CADPS2: variants seen among roughly 807,000 people sequenced by gnomAD.
CADPS2 encodes calcium dependent secretion activator 2.
CADPS2 carries 93 observed loss-of-function variants against 172.5 expected under a neutral mutation model. The observed-to-expected ratio is 0.54, with a 90% CI of 0.46 to 0.64. The LOEUF (loss-of-function observed/expected upper bound fraction) is 0.64, where lower values mean the gene tolerates loss of function less well. Among genes scored for constraint, CADPS2 ranks in the 30% least tolerant of loss-of-function variants. CADPS2 has a pLI of 0.00. For missense variants in CADPS2, 1,420 were observed against 1,565.9 expected (o/e 0.91, Z 1.57); for synonymous variants, 546 against 555.2 (o/e 0.98, Z 0.23).
chr7:122,589,753 T>C (rs2070442592), intron 6 of CADPS2, among the ~76,000 whole-genome samples: 1 of 151,874 alleles, frequency 6.6e-6, no homozygotes, highest in African/African-American at 2.4e-5. Flanking sequence ...TAGAAACTGT[T>C]GTATAAACTA....
At chr7:122,824,735 T>C (rs1804392805) in intron 1 of CADPS2, among the ~76,000 whole-genome samples, 2 of 152,204 alleles carry the variant, frequency 1.3e-5, no homozygotes, top group South Asian at 4.1e-4. Context: ...ATTTTTTAAT[T>C]GTTTCTCAGT....
At chr7:122,849,653 T>TATGTAGTATATAGCA in intron 1 of CADPS2, 1 of 311,436 alleles carries the variant, frequency 3.2e-6, no homozygotes, top group Non-Finnish European at 6.2e-6. Flanking sequence ...TGTAGCCAGC[T>TATGTAGTATATAGCA]GCTATGGCTG....
intron 27 of CADPS2, 112 bp downstream of exon 27, chr7:122,360,676 A>G: frequency 3.3e-6 from 3 of 897,830 alleles, no homozygotes; most frequent in Non-Finnish European, 5.1e-6. Flanking sequence ...AAAATAAACT[A>G]CTCCCTAAGG....
At chr7:122,424,254 G>A (rs895610693) in intron 17 of CADPS2, 15 of 802,796 alleles carry the variant, frequency 1.9e-5, no homozygotes, top group African/African-American at 1.3e-4. Context: ...ATATTCTCCC[G>A]GAATTAACCA....
At chr7:122,591,551 A>C (rs1363428268) in intron 6 of CADPS2, among the ~76,000 whole-genome samples, 2 of 152,142 alleles carry the variant, frequency 1.3e-5, no homozygotes, top group Non-Finnish European at 2.9e-5. Context: ...CCAAAAGAAC[A>C]AAGCTGGAGG....
intron 3 of CADPS2, among the ~76,000 whole-genome samples, chr7:122,638,917 T>C (rs946451887): frequency 2.6e-5 from 4 of 152,206 alleles, no homozygotes; most frequent in Non-Finnish European, 5.9e-5. Flanking sequence ...TCGTCACTAT[T>C]TCCTCTCCAC....
rs1055256448 is a variant in CADPS2, at chr7:122,318,437, T to C, written c.*1728A>G. 1 of 152,208 alleles carries C rather than the reference T, an allele frequency of 6.6e-6. No individual in the cohort carries two copies. The highest frequency in any genetic ancestry group is 2.4e-5 in the African/African-American group (1 of 41,440). The allele number at this position is 152,208 out of a possible 1,614,324, so 9.4% of individuals were successfully genotyped here. A position where few individuals can be genotyped will look rare whatever the true frequency, so the allele number is the denominator to read the frequency against. The stretch of plus-strand genomic sequence containing the variant: ...TTGGAGATGATCTGTATCAAGGAAA[T>C]GGACATTTTATTGAAAGGAAAAGAA... On this transcript the variant is annotated 3_prime_UTR_variant, in exon 30 of 30. Coordinates refer to ENST00000449022, the MANE Select transcript of CADPS2 (RefSeq NM_017954.11).
chr7:122,621,419 C>T (rs930468019), intron 5 of CADPS2, 62 bp downstream of exon 5: 3 of 1,086,632 alleles, frequency 2.8e-6, no homozygotes, highest in Non-Finnish European at 4.1e-6. Flanking sequence ...CAAAGGTCAA[C>T]AGAAATTATT....
chr7:122,420,949 G>A (rs902034168), intron 17 of CADPS2: 2 of 152,204 alleles, frequency 1.3e-5, no homozygotes, highest in African/African-American at 2.4e-5. Context: ...AAGACAGCTC[G>A]ACTGTTTGCT....
chr7:122,418,863 G>A (rs2151788166), intron 17 of CADPS2, among the ~76,000 whole-genome samples: 1 of 152,282 alleles, frequency 6.6e-6, no homozygotes, highest in East Asian at 1.9e-4. Flanking sequence ...TTTAAAATAA[G>A]TTAAATATTC....
chr7:122,387,701 G>C (rs1271369360), intron 23 of CADPS2, among the ~76,000 whole-genome samples: 1 of 152,022 alleles, frequency 6.6e-6, no homozygotes, highest in Non-Finnish European at 1.5e-5. Context: ...TTGCAGGCAG[G>C]TTTTTGAAAG....
chr7:122,610,432 CAA>C (rs11362338), intron 6 of CADPS2, among the ~76,000 whole-genome samples: 3 of 147,162 alleles, frequency 2.0e-5, no homozygotes, highest in Non-Finnish European at 3.0e-5. Flanking sequence ...CTACGATAAG[CAA>C]AAAAAAAAAT....
intron 20 of CADPS2, 85 bp from the exon 21 acceptor site, chr7:122,393,667 G>T: frequency 7.2e-7 from 1 of 1,384,660 alleles, no homozygotes; most frequent in Admixed American, 1.9e-5. Flanking sequence ...CACGTTTTCT[G>T]AGAGAGTCTG....
intron 6 of CADPS2, among the ~76,000 whole-genome samples, chr7:122,592,850 AG>A (rs557446176): frequency 0.032 from 3,227 of 99,854 alleles, 56 homozygotes; most frequent in Non-Finnish European, 0.043. Context: ...GGATGGGGGG[AG>A]GGGGGAGGAA....
At chr7:122,499,299 T>G (rs1449361412) in intron 9 of CADPS2, among the ~76,000 whole-genome samples, 1 of 152,190 alleles carries the variant, frequency 6.6e-6, no homozygotes. Flanking sequence ...ACATCTTCTT[T>G]CTCTGCATGA....
intron 24 of CADPS2, among the ~76,000 whole-genome samples, chr7:122,381,952 A>G (rs545404852): frequency 5.1e-4 from 77 of 152,282 alleles, no homozygotes; most frequent in Non-Finnish European, 8.7e-4. Context: ...ACTTACACTA[A>G]TATTACAACT....
chr7:122,669,353 ATAT>A (rs1373975555), intron 2 of CADPS2, among the ~76,000 whole-genome samples: 6 of 81,436 alleles, frequency 7.4e-5, no homozygotes, highest in African/African-American at 3.4e-4. Context: ...ATATATATAT[ATAT>A]TTTTTTTTTT....
At chr7:122,368,794 C>G (rs1333125419) in intron 25 of CADPS2, among the ~76,000 whole-genome samples, 1 of 152,142 alleles carries the variant, frequency 6.6e-6, no homozygotes, top group Non-Finnish European at 1.5e-5. Context: ...CTGGAGACAA[C>G]AGATGCAGGC....
chr7:122,762,699 G>A lies in CADPS2; in HGVS notation c.340-25631C>T, dbSNP rs78207738. Among the ~76,000 whole-genome samples, 904 of 152,212 alleles carry A rather than the reference G, an allele frequency of 5.9e-3. 8 individuals carry two copies. Among genetic ancestry groups the A allele is most frequent in the African/African-American group, 0.021 (867 of 41,540 alleles). ...CACAAAAACTTTAACCAAGGAGAGA[G>A]GAAAAGGGAATTTTCAAGATGACAG... On this transcript the variant is annotated intron_variant, in intron 1 of 29. Transcript: ENST00000449022.
Sources: gnomAD v4.1 joint callset for allele counts (sites outside exome capture counted in the v4.1 genomes callset) on GRCh38, gnomAD v4.1.1 for gene constraint, MANE v1.5 for transcripts, NCBI Gene and HGNC (gene_info 2026-07-23, HGNC 2026-07-21) for gene names.